NKAIN2: variants seen among roughly 807,000 people sequenced by gnomAD.
The protein encoded by NKAIN2 is sodium/potassium-transporting ATPase subunit beta-1-interacting protein 2.
A neutral mutation model predicts 32.6 loss-of-function variants in NKAIN2; 14 were observed. That is an observed-to-expected ratio of 0.43 (90% CI 0.28 to 0.67). The LOEUF (loss-of-function observed/expected upper bound fraction) is 0.67. NKAIN2 is among the 30% of genes least tolerant of loss of function. The probability of loss-of-function intolerance (pLI) is 0.17; values close to 1 mark genes in which losing one functional copy is unlikely to be tolerated. For synonymous variants in NKAIN2, 80 were observed against 87.2 expected, an observed-to-expected ratio of 0.92 and a Z score of 0.46; for missense variants, 198 against 258.3, an observed-to-expected ratio of 0.77 and a Z score of 1.60.
At chr6:123,898,517 A>G (rs1020289214) in intron 1 of NKAIN2, among the ~76,000 whole-genome samples, 14 of 151,758 alleles carry the variant, frequency 9.2e-5, no homozygotes, top group African/African-American at 3.4e-4. Context: ...TTTGGGTGCA[A>G]AATGTCCAGA....
chr6:124,432,788 A>G (rs1054772917), intron 3 of NKAIN2, among the ~76,000 whole-genome samples: 7 of 151,992 alleles, frequency 4.6e-5, no homozygotes, highest in African/African-American at 1.7e-4. Context: ...AGCTTCCCAG[A>G]TTTGGCTTCA....
chr6:124,405,692 T>G (rs1417056396), intron 3 of NKAIN2, among the ~76,000 whole-genome samples: 2 of 152,140 alleles, frequency 1.3e-5, no homozygotes, highest in Non-Finnish European at 1.5e-5. Flanking sequence ...ACCTTTTTTA[T>G]TATCCTAAAA....
At chr6:124,531,885 G>C (rs1238640184) in intron 3 of NKAIN2, among the ~76,000 whole-genome samples, 1 of 152,154 alleles carries the variant, frequency 6.6e-6, no homozygotes, top group African/African-American at 2.4e-5. Flanking sequence ...TGGCAAAGCT[G>C]TTGTTGAACT....
intron 1 of NKAIN2, among the ~76,000 whole-genome samples, chr6:124,217,758 C>T (rs947179421): frequency 9.2e-5 from 14 of 151,368 alleles, no homozygotes; most frequent in African/African-American, 2.7e-4. Context: ...AAAAATTCTG[C>T]TGGTAGATAT....
At chr6:124,139,687 A>T (rs1386587078) in intron 1 of NKAIN2, among the ~76,000 whole-genome samples, 3 of 152,160 alleles carry the variant, frequency 2.0e-5, no homozygotes, top group South Asian at 2.1e-4. Context: ...TTATATTAAA[A>T]TATTCTCCTA....
chr6:124,801,376 G>A (rs937628035), intron 5 of NKAIN2, among the ~76,000 whole-genome samples: 1 of 152,120 alleles, frequency 6.6e-6, no homozygotes, highest in African/African-American at 2.4e-5. Flanking sequence ...AATATTAGTG[G>A]TCACCTACTG....
intron 1 of NKAIN2, among the ~76,000 whole-genome samples, chr6:124,093,183 G>C (rs536084301): frequency 7.9e-5 from 12 of 152,074 alleles, no homozygotes; most frequent in Admixed American, 1.3e-4. Flanking sequence ...TATATCTATG[G>C]GGAAGACAAC....
chr6:124,491,986 A>G (rs1306493103), intron 3 of NKAIN2, among the ~76,000 whole-genome samples: 1 of 151,968 alleles, frequency 6.6e-6, no homozygotes, highest in African/African-American at 2.4e-5. Context: ...AAAGAGTCAC[A>G]GTGGCTGAAA....
intron 1 of NKAIN2, among the ~76,000 whole-genome samples, chr6:124,127,059 A>G (rs1786207816): frequency 6.6e-6 from 1 of 151,928 alleles, no homozygotes; most frequent in Non-Finnish European, 1.5e-5. Flanking sequence ...AATAATACAT[A>G]TATATATAGA....
At position 124,426,200 on chromosome 6, in the gene NKAIN2, CTA is replaced by C. The variant is rs544839066; in HGVS notation, c.273+70855_273+70856del. Among the ~76,000 whole-genome samples the C allele has an allele frequency of 5.7e-3, 866 of 152,262 alleles. 3 individuals carry two copies. The highest frequency in any genetic ancestry group is 9.1e-3 in the Non-Finnish European group (617 of 68,002). ...TATTTCTTCTACGGAAAGGTGTAGT[CTA>C]TGTCCCTACTTGTGAAATGCAGAGA... is the stretch of plus-strand genomic sequence containing the variant. On this transcript the variant is annotated intron_variant, in intron 3 of 6. Transcript: ENST00000368417.
chr6:124,380,878 A>G (rs1422743980), intron 3 of NKAIN2, among the ~76,000 whole-genome samples: 1 of 152,180 alleles, frequency 6.6e-6, no homozygotes, highest in Non-Finnish European at 1.5e-5. Flanking sequence ...AGTTTAAAAT[A>G]CCATGAAAAG....
intron 1 of NKAIN2, among the ~76,000 whole-genome samples, chr6:123,810,036 T>C (rs571247428): frequency 7.0e-4 from 107 of 152,308 alleles, no homozygotes; most frequent in African/African-American, 2.4e-3. Context: ...ATGAAAACTA[T>C]TATTTATTGG....
chr6:124,820,940 G>A (rs183488615), intron 6 of NKAIN2, among the ~76,000 whole-genome samples: 61 of 152,194 alleles, frequency 4.0e-4, no homozygotes, highest in Non-Finnish European at 7.1e-4. Context: ...TACCAAAAAG[G>A]TTGAGGACTG....
intron 2 of NKAIN2, among the ~76,000 whole-genome samples, chr6:124,322,250 A>C (rs1218967483): frequency 6.6e-6 from 1 of 152,208 alleles, no homozygotes; most frequent in Non-Finnish European, 1.5e-5. Flanking sequence ...CTCTAGCCTT[A>C]ATTAGTAAGT....
chr6:124,726,033 C>G (rs532280499), intron 4 of NKAIN2, among the ~76,000 whole-genome samples: 1 of 152,216 alleles, frequency 6.6e-6, no homozygotes, highest in Non-Finnish European at 1.5e-5. Flanking sequence ...CAGATTATAT[C>G]CTGCACCTGG....
intron 1 of NKAIN2, among the ~76,000 whole-genome samples, chr6:124,193,146 T>G (rs1790115759): frequency 2.0e-5 from 3 of 152,226 alleles, no homozygotes; most frequent in Non-Finnish European, 4.4e-5. Flanking sequence ...ATGGCATACT[T>G]CAGGTGTTGC....
chr6:124,594,081 A>G (rs1344525725), intron 3 of NKAIN2, among the ~76,000 whole-genome samples: 1 of 152,184 alleles, frequency 6.6e-6, no homozygotes, highest in Non-Finnish European at 1.5e-5. Context: ...GTGACTAACG[A>G]TCATTAGTTT....
chr6:124,054,881 C>T (rs1434463010), intron 1 of NKAIN2, among the ~76,000 whole-genome samples: 1 of 151,868 alleles, frequency 6.6e-6, no homozygotes, highest in African/African-American at 2.4e-5. Context: ...TCAACACTTC[C>T]CAAAGGTTCT....
chr6:124,317,938 G>A (rs1022437541), intron 2 of NKAIN2, among the ~76,000 whole-genome samples: 3 of 151,790 alleles, frequency 2.0e-5, no homozygotes, highest in Admixed American at 2.0e-4. Flanking sequence ...TAACTTTCTT[G>A]GCTAATGAAG....
Sources: gnomAD v4.1 joint callset for allele counts (sites outside exome capture counted in the v4.1 genomes callset) on GRCh38, gnomAD v4.1.1 for gene constraint, MANE v1.5 for transcripts, NCBI Gene and HGNC (gene_info 2026-07-23, HGNC 2026-07-21) for gene names.